Variants in FHIT observed in about 807,000 individuals in gnomAD.
FHIT encodes the protein fragile histidine triad diadenosine triphosphatase.
Under a neutral mutation model 17.9 loss-of-function variants are expected in FHIT, and 19 were observed. The observed-to-expected ratio is 1.06, with a 90% CI of 0.74 to 1.56. The LOEUF is 1.56. FHIT is among the 40% of genes most tolerant of loss of function. The pLI is 0.00. For missense variants in FHIT, 248 were observed against 189.2 expected (o/e 1.31, Z -1.82); for synonymous variants, 81 against 69.7 (o/e 1.16, Z -0.81).
intron 5 of FHIT, among the ~76,000 whole-genome samples, chr3:60,293,448 T>A (rs1451013635): frequency 6.6e-6 from 1 of 152,188 alleles, no homozygotes; most frequent in African/African-American, 2.4e-5. Context: ...CTAATTTCCA[T>A]GGAAGGAGAT....
intron 5 of FHIT, among the ~76,000 whole-genome samples, chr3:60,271,329 G>A (rs1706859042): frequency 6.6e-6 from 1 of 152,166 alleles, no homozygotes; most frequent in African/African-American, 2.4e-5. Flanking sequence ...CTTGAACCCA[G>A]GAGGCAGAGG....
At position 59,846,929 on chromosome 3, in the gene FHIT, G is replaced by GA. The variant is rs570017529; in HGVS notation, c.348+75416dup. Among the ~76,000 whole-genome samples the GA allele has an allele frequency of 3.2e-3, 493 of 152,078 alleles. 3 individuals are homozygous for GA. Among genetic ancestry groups the GA allele is most frequent in the African/African-American group, 0.011 (466 of 41,468 alleles). On this transcript the variant is annotated intron_variant, in intron 8 of 9. Transcript: ENST00000492590. ...CCTTCTGGCCTGTAAAGCTTCTAAT[G>GA]AAAAAATCTGCTGATAATCTTAGTG... is the stretch of plus-strand genomic sequence containing the variant.
chr3:60,886,409 AT>A (rs1705224389), intron 3 of FHIT, among the ~76,000 whole-genome samples: 1 of 152,356 alleles, frequency 6.6e-6, no homozygotes, highest in Admixed American at 6.5e-5. Context: ...CATAATTAAT[AT>A]GTCATTATCA....
intron 4 of FHIT, among the ~76,000 whole-genome samples, chr3:60,803,869 A>G (rs735667): frequency 0.31 from 46,789 of 152,102 alleles, 7,905 homozygotes; most frequent in Middle Eastern, 0.39. Flanking sequence ...TCTTCAGAAG[A>G]GGTTAGCAAA....
At chr3:59,829,765 A>G (rs1345295604) in intron 8 of FHIT, among the ~76,000 whole-genome samples, 1 of 152,176 alleles carries the variant, frequency 6.6e-6, no homozygotes, top group Non-Finnish European at 1.5e-5. Flanking sequence ...ATTCTGTCTC[A>G]GTGATACAGA....
chr3:60,244,281 A>G (rs1705278003), intron 5 of FHIT, among the ~76,000 whole-genome samples: 1 of 152,062 alleles, frequency 6.6e-6, no homozygotes, highest in African/African-American at 2.4e-5. Flanking sequence ...ACACATACCT[A>G]TATACACATA....
intron 3 of FHIT, among the ~76,000 whole-genome samples, chr3:60,875,508 A>G: frequency 6.6e-6 from 1 of 152,226 alleles, no homozygotes; most frequent in East Asian, 1.9e-4. Context: ...CTTGTTCAGC[A>G]TGCAGGGACC....
chr3:60,676,420 A>T (rs2107852566), intron 4 of FHIT, among the ~76,000 whole-genome samples: 1 of 152,336 alleles, frequency 6.6e-6, no homozygotes, highest in Middle Eastern at 3.4e-3. Flanking sequence ...GGGCAGGTGG[A>T]TGATTGGGAC....
At chr3:60,392,664 G>C (rs913396925) in intron 5 of FHIT, among the ~76,000 whole-genome samples, 2 of 152,118 alleles carry the variant, frequency 1.3e-5, no homozygotes, top group African/African-American at 4.8e-5. Context: ...TTTTAACCAA[G>C]TGAGATTAAT....
intron 2 of FHIT, among the ~76,000 whole-genome samples, chr3:61,134,755 T>C (rs1360258844): frequency 2.6e-5 from 4 of 152,022 alleles, no homozygotes; most frequent in Non-Finnish European, 1.5e-5. Flanking sequence ...GGGTACATTA[T>C]CAAGTTTACC....
At chr3:59,967,824 A>G (rs1412787023) in intron 7 of FHIT, among the ~76,000 whole-genome samples, 1 of 152,138 alleles carries the variant, frequency 6.6e-6, no homozygotes, top group African/African-American at 2.4e-5. Context: ...ACAAAGGAAG[A>G]AAAGAGTGAA....
At chr3:60,857,866 T>C (rs1372393876) in intron 3 of FHIT, among the ~76,000 whole-genome samples, 21 of 152,186 alleles carry the variant, frequency 1.4e-4, no homozygotes, top group Non-Finnish European at 4.4e-5. Flanking sequence ...AGTTCAAGGC[T>C]GCAGTGAGCC....
intron 5 of FHIT, among the ~76,000 whole-genome samples, chr3:60,356,632 G>C (rs774075982): frequency 6.6e-6 from 1 of 151,610 alleles, no homozygotes; most frequent in South Asian, 2.1e-4. Flanking sequence ...ACAGGCTTTC[G>C]GGAGAAGCTA....
intron 4 of FHIT, among the ~76,000 whole-genome samples, chr3:60,772,334 A>C (rs1404106172): frequency 0.014 from 729 of 52,928 alleles, 15 homozygotes; most frequent in African/African-American, 0.045. Context: ...ATATATATAT[A>C]TATATATATA....
intron 2 of FHIT, among the ~76,000 whole-genome samples, chr3:61,186,507 G>A (rs2038516963): frequency 6.6e-6 from 1 of 152,216 alleles, no homozygotes; most frequent in Non-Finnish European, 1.5e-5. Context: ...ATAGCTGGCT[G>A]GATATGCAAA....
chr3:60,562,003 T>C (rs2036970581), intron 4 of FHIT, among the ~76,000 whole-genome samples: 1 of 152,104 alleles, frequency 6.6e-6, no homozygotes, highest in Non-Finnish European at 1.5e-5. Context: ...AGTTATGCTT[T>C]CCAGTTAACT....
intron 4 of FHIT, among the ~76,000 whole-genome samples, chr3:60,767,626 C>A (rs984104892): frequency 6.6e-6 from 1 of 152,190 alleles, no homozygotes; most frequent in African/African-American, 2.4e-5. Flanking sequence ...AACAGATTAA[C>A]AAAATTCGGT....
intron 3 of FHIT, among the ~76,000 whole-genome samples, chr3:60,950,556 G>A (rs782657268): frequency 6.7e-6 from 1 of 149,796 alleles, no homozygotes; most frequent in Non-Finnish European, 1.5e-5. Flanking sequence ...TGACTCTGTC[G>A]CCCAGGCTGG....
intron 3 of FHIT, among the ~76,000 whole-genome samples, chr3:60,994,323 G>A (rs2030495194): frequency 6.6e-6 from 1 of 152,172 alleles, no homozygotes; most frequent in South Asian, 2.1e-4. Context: ...TGTCTTAAAG[G>A]ATGGAGAACG....
Sources: gnomAD v4.1 joint callset for allele counts (sites outside exome capture counted in the v4.1 genomes callset) on GRCh38, gnomAD v4.1.1 for gene constraint, MANE v1.5 for transcripts, NCBI Gene and HGNC (gene_info 2026-07-23, HGNC 2026-07-21) for gene names.